Variants in LIPA observed in about 807,000 individuals in gnomAD.
The protein encoded by LIPA is lysosomal acid lipase/cholesteryl ester hydrolase.
LIPA carries 26 observed loss-of-function variants against 40.6 expected under a neutral mutation model. The observed-to-expected ratio is 0.64, with a 90% confidence interval of 0.47 to 0.89. The LOEUF is 0.89. Among genes scored for constraint, LIPA ranks in the 40% least tolerant of loss-of-function variants. The pLI is 0.00. For missense variants in LIPA, 455 were observed against 479.6 expected (o/e 0.95, Z 0.48); for synonymous variants, 188 against 168.4 (o/e 1.12, Z -0.90).
chr10:89,317,891 G>A (rs971956543), intron 1 of LIPA, among the ~76,000 whole-genome samples: 6 of 152,228 alleles, frequency 3.9e-5, no homozygotes, highest in Admixed American at 1.3e-4. Context: ...CTACAAGCCA[G>A]AAGAGAGTGG....
chr10:89,399,050 T>A (rs571758805), intron 2 of LIPA, among the ~76,000 whole-genome samples: 120 of 152,286 alleles, frequency 7.9e-4, no homozygotes, highest in African/African-American at 2.0e-3. Context: ...GCTTTTTTTT[T>A]AAAATAATAG....
intron 1 of LIPA, among the ~76,000 whole-genome samples, chr10:89,290,107 A>G (rs760428938): frequency 6.6e-6 from 1 of 152,126 alleles, no homozygotes; most frequent in Non-Finnish European, 1.5e-5. Context: ...GAGCCTAAAA[A>G]CTTGCCAACC....
At chr10:89,246,434 C>A (rs1319510608) in intron 2 of LIPA, among the ~76,000 whole-genome samples, 1 of 152,070 alleles carries the variant, frequency 6.6e-6, no homozygotes, top group East Asian at 1.9e-4. Context: ...ACCATAAGTA[C>A]TTGAAAGAAT....
At chr10:89,353,876 G>C (rs574833362) in intron 2 of LIPA, among the ~76,000 whole-genome samples, 15 of 152,202 alleles carry the variant, frequency 9.9e-5, no homozygotes, top group Admixed American at 4.6e-4. Flanking sequence ...GGGAGGCAGA[G>C]CTTGCAGTGA....
chr10:89,331,737 T>C (rs1032021047), intron 1 of LIPA, among the ~76,000 whole-genome samples: 2 of 151,358 alleles, frequency 1.3e-5, no homozygotes, highest in African/African-American at 4.9e-5. Flanking sequence ...CACGTGCCTA[T>C]AGTCTCATTG....
At chr10:89,375,386 A>T (rs1346337441) in intron 2 of LIPA, among the ~76,000 whole-genome samples, 2 of 152,230 alleles carry the variant, frequency 1.3e-5, no homozygotes, top group African/African-American at 4.8e-5. Flanking sequence ...AGTTCTCATT[A>T]TGCCCAAGCT....
chr10:89,214,840 C>A lies in LIPA; in HGVS notation c.1188G>T (p.Arg396Ser). Residue 396 changes from arginine to serine, a missense_variant, in exon 10 of 10, where the codon AGG becomes AGT. Arg to Ser is a moderately radical substitution (Grantham distance 110). Coordinates refer to ENST00000336233, the MANE Select transcript of LIPA (RefSeq NM_000235.4). ...RLYNKIINLM[R>S]KYQ ...TCAAGTCCAGCTTTCACTGATATTTCCTCATTAGATTAATAATTTTATTAT... is the reference window on the plus strand; with the variant it reads ...TCAAGTCCAGCTTTCACTGATATTTACTCATTAGATTAATAATTTTATTAT... 6.3e-7 allele frequency: 1 copy of A among 1,588,848 alleles called. No individual in the cohort carries two copies. The highest frequency in any genetic ancestry group is 8.6e-7 in the Non-Finnish European group (1 of 1,157,334).
intron 2 of LIPA, among the ~76,000 whole-genome samples, chr10:89,401,373 G>A (rs370775162): frequency 2.5e-4 from 38 of 151,862 alleles, no homozygotes; most frequent in East Asian, 1.4e-3. Context: ...CACCTGCCTC[G>A]GCCTCCCAAA....
upstream of LIPA, among the ~76,000 whole-genome samples, chr10:89,254,692 T>C (rs1843172199): frequency 6.6e-6 from 1 of 152,262 alleles, no homozygotes; most frequent in South Asian, 2.1e-4. Flanking sequence ...ATTGTCAGAC[T>C]GCAAATTTTC....
intron 1 of LIPA, among the ~76,000 whole-genome samples, chr10:89,314,868 G>C (rs2133528673): frequency 6.6e-6 from 1 of 152,286 alleles, no homozygotes; most frequent in East Asian, 1.9e-4. Context: ...TTGCATTCTG[G>C]TGAAAGACAG....
rs547991787 is a variant in LIPA, at chr10:89,314,168, A to G, written c.-2+28443T>C. Among the ~76,000 whole-genome samples the G allele has an allele frequency of 6.6e-5, 10 of 152,286 alleles. No individual in the cohort carries two copies. In the East Asian group the frequency reaches 1.7e-3, roughly 26 times the overall value. ...TTTTGAATACTGTCATTGCTTTCAC[A>G]TTCGGTAGATATGTTAGATAAGTTA... On this transcript the variant is annotated intron_variant, in intron 1 of 5. Coordinates refer to the LIPA transcript ENST00000282673.
intron 1 of LIPA, among the ~76,000 whole-genome samples, chr10:89,267,737 AAAAAAG>A (rs1223011178): frequency 6.7e-6 from 1 of 149,054 alleles, no homozygotes; most frequent in South Asian, 2.1e-4. Context: ...AATAAAAAAA[AAAAAAG>A]AAACTTAAAA....
chr10:89,399,041 C>CTTT (rs58350045), intron 2 of LIPA, among the ~76,000 whole-genome samples: 1 of 151,266 alleles, frequency 6.6e-6, no homozygotes, highest in African/African-American at 2.4e-5. Flanking sequence ...TTATATCCTG[C>CTTT]TTTTTTTTTA....
chr10:89,389,859 G>T (rs191254658), intron 2 of LIPA, among the ~76,000 whole-genome samples: 1 of 151,986 alleles, frequency 6.6e-6, no homozygotes, highest in Non-Finnish European at 1.5e-5. Flanking sequence ...CAGGGATTGA[G>T]TCCCATATCT....
At chr10:89,252,741 G>A (rs1337300547), upstream of LIPA, among the ~76,000 whole-genome samples, 1 of 151,380 alleles carries the variant, frequency 6.6e-6, no homozygotes, top group African/African-American at 2.4e-5. Context: ...GGTAGGTGGA[G>A]GTTGCAGTGA....
At chr10:89,411,220 G>T (rs1841466851) in intron 2 of LIPA, among the ~76,000 whole-genome samples, 1 of 152,054 alleles carries the variant, frequency 6.6e-6, no homozygotes, top group Non-Finnish European at 1.5e-5. Flanking sequence ...CCATACAAAG[G>T]TCTGACCAGA....
intron 1 of LIPA, chr10:89,292,130 T>A (rs1445852996): frequency 6.6e-6 from 1 of 152,256 alleles, no homozygotes; most frequent in African/African-American, 2.4e-5. Flanking sequence ...GTGTCATTTA[T>A]GTTTTTGAGC....
At chr10:89,281,268 C>A (rs1041665343) in intron 1 of LIPA, among the ~76,000 whole-genome samples, 3 of 152,100 alleles carry the variant, frequency 2.0e-5, no homozygotes, top group Non-Finnish European at 4.4e-5. Flanking sequence ...AGAATGCCCC[C>A]CCACCCTGAT....
chr10:89,267,487 C>A (rs1222211571), intron 1 of LIPA, among the ~76,000 whole-genome samples: 1 of 149,358 alleles, frequency 6.7e-6, no homozygotes, highest in South Asian at 2.1e-4. Flanking sequence ...GAACAAAAAA[C>A]CAAACACCGC....
Sources: gnomAD v4.1 joint callset for allele counts (sites outside exome capture counted in the v4.1 genomes callset) on GRCh38, gnomAD v4.1.1 for gene constraint, MANE v1.5 for transcripts, NCBI Gene and HGNC (gene_info 2026-07-23, HGNC 2026-07-21) for gene names.